IL1RL1: variants seen among roughly 807,000 people sequenced by gnomAD.
IL1RL1 encodes the protein interleukin-1 receptor-like 1.
Under a neutral mutation model 50.9 loss-of-function variants are expected in IL1RL1, and 32 were observed. The observed-to-expected ratio is 0.63, with a 90% confidence interval of 0.47 to 0.84. The LOEUF (loss-of-function observed/expected upper bound fraction) is 0.84. Ranked by LOEUF, IL1RL1 falls within the 40% of genes least tolerant of loss-of-function variation. The pLI, the probability that IL1RL1 is intolerant of heterozygous loss-of-function variation, is 0.00. For missense variants in IL1RL1, 773 were observed against 662.9 expected (o/e 1.17, Z -1.82); for synonymous variants, 275 against 236.0 (o/e 1.17, Z -1.51).
chr2:102,338,058 A>G, intron 1 of IL1RL1, 58 bp from the exon 2 acceptor site: 1 of 384,268 alleles, frequency 2.6e-6, no homozygotes, highest in East Asian at 4.0e-5. Flanking sequence ...GTGCTGAGAA[A>G]GTAAAAATCA....
chr2:102,322,902 C>A (rs1379798793), intron 1 of IL1RL1, among the ~76,000 whole-genome samples: 1 of 151,988 alleles, frequency 6.6e-6, no homozygotes, highest in East Asian at 1.9e-4. Flanking sequence ...AATATGTAGT[C>A]TTCTGTGTTT....
chr2:102,330,312 G>A (rs1677137246), intron 1 of IL1RL1, among the ~76,000 whole-genome samples: 2 of 151,018 alleles, frequency 1.3e-5, no homozygotes, highest in Admixed American at 1.3e-4. Context: ...GACACAGGAA[G>A]GGGAACATCA....
chr2:102,352,155 C>G, downstream of IL1RL1: 3 of 476,620 alleles, frequency 6.3e-6, no homozygotes. Context: ...TCCCTTTTCC[C>G]TTTTGCTTGC....
At chr2:102,330,075 A>G (rs915557706) in intron 1 of IL1RL1, among the ~76,000 whole-genome samples, 2 of 152,342 alleles carry the variant, frequency 1.3e-5, no homozygotes, top group South Asian at 2.1e-4. Context: ...AATAGCAAAG[A>G]CTTGGAACCA....
intron 1 of IL1RL1, 118 bp from the exon 2 acceptor site, chr2:102,337,998 A>G (rs1677390784): frequency 7.7e-6 from 2 of 261,126 alleles, no homozygotes; most frequent in Admixed American, 1.1e-4. Context: ...CTGCTGTTAC[A>G]TCTCTTTGCA....
At chr2:102,333,585 C>T (rs1428868255) in intron 1 of IL1RL1, among the ~76,000 whole-genome samples, 2 of 152,006 alleles carry the variant, frequency 1.3e-5, no homozygotes, top group Admixed American at 6.6e-5. Flanking sequence ...ATGATGGTTT[C>T]TTCTGTTTTT....
At chr2:102,344,029 C>T (rs925436760) in intron 8 of IL1RL1, 2 of 435,920 alleles carry the variant, frequency 4.6e-6, no homozygotes, top group Non-Finnish European at 6.1e-6. Context: ...GCTCACAGTT[C>T]TGCAGGCTGT....
chr2:102,349,424 A>T (rs1677873187), intron 10 of IL1RL1, among the ~76,000 whole-genome samples, 178 bp downstream of exon 10: 1 of 152,080 alleles, frequency 6.6e-6, no homozygotes, highest in African/African-American at 2.4e-5. Context: ...CTCTCCCATC[A>T]TTGTCCTGGT....
intron 1 of IL1RL1, among the ~76,000 whole-genome samples, chr2:102,327,840 C>A (rs903289649): frequency 3.9e-5 from 6 of 152,042 alleles, no homozygotes; most frequent in South Asian, 2.1e-4. Flanking sequence ...CAATAACAGG[C>A]TCTGAAATTG....
chr2:102,350,422 A>G (rs187602905), intron 10 of IL1RL1, among the ~76,000 whole-genome samples: 1 of 152,380 alleles, frequency 6.6e-6, no homozygotes, highest in East Asian at 1.9e-4. Context: ...ACAACATACT[A>G]ATCTGGAATG....
At chr2:102,311,811 TAA>T (rs1268253871) in intron 1 of IL1RL1, among the ~76,000 whole-genome samples, 188 bp downstream of exon 1, 3 of 93,482 alleles carry the variant, frequency 3.2e-5, no homozygotes, top group Non-Finnish European at 6.0e-5. Context: ...ATATTATATA[TAA>T]TACAATTATA....
chr2:102,348,946 T>C (rs1207168919), intron 9 of IL1RL1, 133 bp from the exon 10 acceptor site: 10 of 650,068 alleles, frequency 1.5e-5, no homozygotes, highest in Non-Finnish European at 2.7e-5. Flanking sequence ...CAACATCTCT[T>C]GAGTCTAGAA....
chr2:102,327,212 G>A (rs960393612), intron 1 of IL1RL1, among the ~76,000 whole-genome samples: 16 of 152,030 alleles, frequency 1.1e-4, no homozygotes, highest in East Asian at 3.9e-4. Context: ...ACTCAAAACC[G>A]CTCAACTACA....
Position 102,338,380 on chromosome 2 carries a change from G to A in IL1RL1, c.61+55G>A, listed in dbSNP as rs565026973. ...ATTTTTATAAATTAAATAATTTCAA[G>A]AACATTTACCTTGTTTTAAGCAGTT... is the stretch of plus-strand genomic sequence containing the variant. On this transcript the variant is annotated intron_variant, in intron 2 of 10. Transcript: ENST00000233954. The A allele has an allele frequency of 7.7e-5, 81 of 1,055,876 alleles. No homozygotes were observed. In the African/African-American group the frequency reaches 1.1e-3, roughly 14 times the overall value. The allele number at this position is 1,055,876 out of a possible 1,614,324, so 65.4% of individuals were successfully genotyped here.
intron 1 of IL1RL1, among the ~76,000 whole-genome samples, chr2:102,324,917 C>T (rs902461258): frequency 6.6e-6 from 1 of 152,204 alleles, no homozygotes; most frequent in Non-Finnish European, 1.5e-5. Context: ...TAGACTGCAC[C>T]TCTGGGGGCA....
chr2:102,328,165 G>A (rs1194807671), intron 1 of IL1RL1, among the ~76,000 whole-genome samples: 5 of 152,178 alleles, frequency 3.3e-5, no homozygotes, highest in Non-Finnish European at 7.3e-5. Flanking sequence ...CCATGATCAA[G>A]TGGGCTTCAT....
chr2:102,319,741 T>G (rs1187983351), intron 1 of IL1RL1, among the ~76,000 whole-genome samples: 2 of 152,230 alleles, frequency 1.3e-5, no homozygotes, highest in Non-Finnish European at 2.9e-5. Context: ...CAGGCTGTAG[T>G]GCAGTGACAT....
In IL1RL1 at chr2:102,348,007, G is replaced by A; in HGVS notation, c.1033G>A (p.Val345Ile). The part of the protein sequence containing the change: ...VCSVFLMLIN[V>I]LVIILKMFWI... The stretch of plus-strand genomic sequence containing the variant: ...TAGTGTATTTTTAATGCTAATCAAT[G>A]TCCTGGTTATCATCCTAAAAATGTT... Residue 345 changes from valine to isoleucine, a missense_variant, in exon 9 of 11, where the codon GTC (valine) becomes ATC (isoleucine). Val to Ile is a conservative substitution (Grantham distance 29). Transcript: ENST00000233954. 1.3e-6 allele frequency: 2 copies of A among 1,587,538 alleles called. No individual in the cohort carries two copies. Among genetic ancestry groups the A allele is most frequent in the Non-Finnish European group, 8.7e-7 (1 of 1,155,906 alleles).
At chr2:102,322,941 G>A (rs904478682) in intron 1 of IL1RL1, among the ~76,000 whole-genome samples, 1 of 151,984 alleles carries the variant, frequency 6.6e-6, no homozygotes, top group Non-Finnish European at 1.5e-5. Flanking sequence ...TAATTTTTCA[G>A]GAGCAAGGCT....
Sources: allele counts gnomAD v4.1 joint callset (sites outside exome capture counted in the v4.1 genomes callset), GRCh38; gene constraint gnomAD v4.1.1; transcripts MANE v1.5; gene names NCBI Gene and HGNC (gene_info 2026-07-23, HGNC 2026-07-21).